GRID1: variants seen among roughly 807,000 people sequenced by gnomAD.
The protein encoded by GRID1 is glutamate receptor ionotropic, delta-1.
A neutral mutation model predicts 98.0 loss-of-function variants in GRID1; 28 were observed. That is an observed-to-expected ratio of 0.29 (90% CI 0.21 to 0.39). GRID1 has a LOEUF of 0.39. Among genes scored for constraint, GRID1 ranks in the 10% least tolerant of loss-of-function variants. The pLI, the probability that GRID1 is intolerant of heterozygous loss-of-function variation, is 1.00. For synonymous variants in GRID1, 553 were observed against 538.5 expected, an observed-to-expected ratio of 1.03 and a Z score of -0.37; for missense variants, 1,111 against 1,340.5, an observed-to-expected ratio of 0.83 and a Z score of 2.67.
intron 2 of GRID1, among the ~76,000 whole-genome samples, chr10:86,222,308 G>A (rs1846268260): frequency 6.6e-6 from 1 of 152,208 alleles, no homozygotes; most frequent in Non-Finnish European, 1.5e-5. Context: ...CCAAGCCTGG[G>A]CTTCCAGGTG....
intron 3 of GRID1, among the ~76,000 whole-genome samples, chr10:86,201,180 C>A (rs75731334): frequency 0.028 from 4,333 of 152,154 alleles, 222 homozygotes; most frequent in African/African-American, 0.099. Context: ...TGCCCACAGA[C>A]AATAAAGTAG....
intron 4 of GRID1, among the ~76,000 whole-genome samples, chr10:86,106,084 CTG>C (rs1844381680): frequency 6.6e-6 from 1 of 152,196 alleles, no homozygotes; most frequent in South Asian, 2.1e-4. Context: ...GCTCCAGGGT[CTG>C]AGAGCTCCCC....
chr10:85,708,122 A>C (rs1311242468), intron 12 of GRID1, among the ~76,000 whole-genome samples: 4 of 130,950 alleles, frequency 3.1e-5, no homozygotes, highest in Middle Eastern at 3.7e-3. Flanking sequence ...ATAAAAAAAA[A>C]AAAAAAAAAC....
At chr10:85,989,350 C>T (rs1842650432) in intron 4 of GRID1, among the ~76,000 whole-genome samples, 1 of 152,214 alleles carries the variant, frequency 6.6e-6, no homozygotes, top group African/African-American at 2.4e-5. Context: ...GAATCAAAAA[C>T]ATGATTAATA....
At chr10:85,998,277 A>G (rs189522186) in intron 4 of GRID1, among the ~76,000 whole-genome samples, 1 of 152,346 alleles carries the variant, frequency 6.6e-6, no homozygotes, top group Admixed American at 6.5e-5. Context: ...AATGTAAAAT[A>G]AGTGAATCAT....
At chr10:85,801,778 T>C (rs564532608) in intron 8 of GRID1, among the ~76,000 whole-genome samples, 5 of 151,870 alleles carry the variant, frequency 3.3e-5, no homozygotes, top group African/African-American at 1.2e-4. Flanking sequence ...TTCAACATTA[T>C]ACTACATGTT....
intron 8 of GRID1, among the ~76,000 whole-genome samples, chr10:85,820,769 C>T (rs566835681): frequency 5.9e-5 from 9 of 152,126 alleles, no homozygotes; most frequent in East Asian, 3.9e-4. Context: ...CTATACTACA[C>T]GGAGGCAAGG....
At chr10:86,261,597 G>T (rs1347512958) in intron 2 of GRID1, among the ~76,000 whole-genome samples, 1 of 152,112 alleles carries the variant, frequency 6.6e-6, no homozygotes, top group Non-Finnish European at 1.5e-5. Flanking sequence ...CCAACCTCTT[G>T]GTTAGGTCAG....
At chr10:86,087,510 C>CTG (rs60644459) in intron 4 of GRID1, among the ~76,000 whole-genome samples, 6,589 of 140,886 alleles carry the variant, frequency 0.047, 256 homozygotes, top group African/African-American at 0.11. Context: ...GTGTGTGTGT[C>CTG]TGTGTGTGTG....
intron 12 of GRID1, among the ~76,000 whole-genome samples, chr10:85,649,443 G>T (rs1843237463): frequency 6.6e-6 from 1 of 151,736 alleles, no homozygotes; most frequent in East Asian, 1.9e-4. Flanking sequence ...GGCCCCAAGG[G>T]TTGTAACTCT....
At chr10:85,946,476 A>T (rs1842054868) in intron 4 of GRID1, among the ~76,000 whole-genome samples, 1 of 152,242 alleles carries the variant, frequency 6.6e-6, no homozygotes. Flanking sequence ...TTTCTTTGAC[A>T]CACCAAGGAA....
At chr10:85,819,893 G>C (rs568738018) in intron 8 of GRID1, among the ~76,000 whole-genome samples, 1 of 151,096 alleles carries the variant, frequency 6.6e-6, no homozygotes, top group Non-Finnish European at 1.5e-5. Context: ...TAGCCTGGGC[G>C]AAAAGAGCAA....
intron 8 of GRID1, among the ~76,000 whole-genome samples, chr10:85,802,825 T>C (rs1486943868): frequency 1.6e-5 from 2 of 128,706 alleles, no homozygotes; most frequent in Admixed American, 8.2e-5. Context: ...ACTCCAAGCA[T>C]CCAAGCAGAA....
intron 15 of GRID1, chr10:85,607,186 G>A (rs1842679636): frequency 6.6e-6 from 1 of 152,204 alleles, no homozygotes; most frequent in African/African-American, 2.4e-5. Flanking sequence ...CACCAATGTG[G>A]AAATAATACA....
At chr10:85,987,653 C>T (rs926394946) in intron 4 of GRID1, among the ~76,000 whole-genome samples, 1 of 151,044 alleles carries the variant, frequency 6.6e-6, no homozygotes, top group South Asian at 2.1e-4. Flanking sequence ...TCTACTCCAA[C>T]ATATCCCTTC....
intron 2 of GRID1, among the ~76,000 whole-genome samples, chr10:86,300,200 G>C (rs1847661607): frequency 6.6e-6 from 1 of 151,956 alleles, no homozygotes; most frequent in Admixed American, 6.5e-5. Context: ...CACACCAGAA[G>C]CCACAGAAGC....
chr10:85,652,032 G>C (rs962541595), intron 12 of GRID1, among the ~76,000 whole-genome samples: 6 of 152,206 alleles, frequency 3.9e-5, no homozygotes, highest in African/African-American at 7.2e-5. Flanking sequence ...TGAAAGCATA[G>C]CTGATACCTT....
intron 2 of GRID1, among the ~76,000 whole-genome samples, chr10:86,241,815 C>T (rs1372390126): frequency 6.6e-6 from 1 of 152,162 alleles, no homozygotes; most frequent in Non-Finnish European, 1.5e-5. Context: ...GCCCAGACTG[C>T]CTGGATGGAG....
chr10:86,157,370 G>A (rs902297097), intron 3 of GRID1, among the ~76,000 whole-genome samples: 10 of 152,146 alleles, frequency 6.6e-5, no homozygotes, highest in Non-Finnish European at 1.5e-4. Context: ...AGACCCAGAA[G>A]GCAAATGCCC....
Sources: allele counts gnomAD v4.1 joint callset (sites outside exome capture counted in the v4.1 genomes callset), GRCh38; gene constraint gnomAD v4.1.1; transcripts MANE v1.5; gene names NCBI Gene and HGNC (gene_info 2026-07-23, HGNC 2026-07-21).